ATXN7L1: variants seen among roughly 807,000 people sequenced by gnomAD.
ATXN7L1 encodes the protein ataxin 7 like 1.
Under a neutral mutation model 70.8 loss-of-function variants are expected in ATXN7L1, and 15 were observed. The ratio of observed to expected loss-of-function variants is 0.21; its 90% CI spans 0.14 to 0.33. The LOEUF (loss-of-function observed/expected upper bound fraction) is 0.33, where lower values mean the gene tolerates loss of function less well. ATXN7L1 is among the 10% of genes least tolerant of loss of function. ATXN7L1 has a pLI of 1.00. For missense variants in ATXN7L1, 975 were observed against 1,097.1 expected (o/e 0.89, Z 1.57); for synonymous variants, 440 against 445.1 (o/e 0.99, Z 0.14).
chr7:105,740,718 A>T (rs1328492087), intron 3 of ATXN7L1, among the ~76,000 whole-genome samples: 4 of 151,356 alleles, frequency 2.6e-5, no homozygotes, highest in Non-Finnish European at 5.9e-5. Flanking sequence ...TGAGGATTAG[A>T]GAGGAAGTTA....
chr7:105,640,822 A>C (rs2115912795), intron 5 of ATXN7L1, among the ~76,000 whole-genome samples: 1 of 152,382 alleles, frequency 6.6e-6, no homozygotes, highest in Middle Eastern at 3.4e-3. Flanking sequence ...CCGAGCAAAC[A>C]CATAAGTCCT....
intron 2 of ATXN7L1, among the ~76,000 whole-genome samples, chr7:105,810,816 A>G (rs1489273373): frequency 6.6e-6 from 1 of 152,180 alleles, no homozygotes; most frequent in East Asian, 1.9e-4. Flanking sequence ...AGTGACATGA[A>G]CTGATACTTG....
At chr7:105,703,165 G>T (rs765967959) in intron 3 of ATXN7L1, among the ~76,000 whole-genome samples, 1 of 152,000 alleles carries the variant, frequency 6.6e-6, no homozygotes, top group Non-Finnish European at 1.5e-5. Flanking sequence ...TTAGCTGGGC[G>T]TGGTGGCAGG....
At chr7:105,714,798 G>C (rs1276736679) in intron 3 of ATXN7L1, among the ~76,000 whole-genome samples, 1 of 152,192 alleles carries the variant, frequency 6.6e-6, no homozygotes, top group African/African-American at 2.4e-5. Flanking sequence ...GAGTAGCTGG[G>C]ATTACAGGTG....
chr7:105,687,899 C>T (rs940242650), intron 3 of ATXN7L1, among the ~76,000 whole-genome samples: 2 of 152,134 alleles, frequency 1.3e-5, no homozygotes, highest in Non-Finnish European at 2.9e-5. Context: ...GACACCATAC[C>T]CACTCACCCC....
intron 9 of ATXN7L1, among the ~76,000 whole-genome samples, chr7:105,619,575 A>G (rs1584334302): frequency 2.0e-5 from 2 of 98,620 alleles, no homozygotes; most frequent in Non-Finnish European, 3.6e-5. Context: ...TTTAAGAGAG[A>G]GGGTCTTGCT....
At chr7:105,681,085 A>C (rs773119579) in intron 3 of ATXN7L1, among the ~76,000 whole-genome samples, 1 of 152,232 alleles carries the variant, frequency 6.6e-6, no homozygotes, top group Non-Finnish European at 1.5e-5. Context: ...CAGCAAGTTT[A>C]GAACCGTAAC....
Position 105,747,169 on chromosome 7 carries a change from G to A in ATXN7L1, c.355+41435C>T, listed in dbSNP as rs73717269. ...GGTAAGTAGCTTCAGGATGGGGGCT[G>A]TTCACCAGAAAGACCAAGGCAGGAT... On this transcript the variant is annotated intron_variant, in intron 3 of 11. Coordinates refer to ENST00000419735, the MANE Select transcript of ATXN7L1 (RefSeq NM_020725.2). 7.7e-3 allele frequency among the ~76,000 whole-genome samples: 1,175 copies of A among 152,304 alleles called. 16 individuals are homozygous for A. The highest frequency in any genetic ancestry group is 0.026 in the African/African-American group (1,063 of 41,572).
At chr7:105,846,100 C>T (rs920610695) in intron 2 of ATXN7L1, among the ~76,000 whole-genome samples, 32 of 151,514 alleles carry the variant, frequency 2.1e-4, no homozygotes, top group African/African-American at 7.5e-4. Flanking sequence ...ATCAAGAAAG[C>T]AAAAAAGACA....
chr7:105,831,902 GCTT>G (rs1308960628), intron 2 of ATXN7L1, among the ~76,000 whole-genome samples: 1 of 152,158 alleles, frequency 6.6e-6, no homozygotes, highest in Non-Finnish European at 1.5e-5. Flanking sequence ...GGTATCCTTT[GCTT>G]CTTCTCTGCA....
At chr7:105,697,538 CAT>C (rs1791900565) in intron 3 of ATXN7L1, among the ~76,000 whole-genome samples, 1 of 152,224 alleles carries the variant, frequency 6.6e-6, no homozygotes, top group Non-Finnish European at 1.5e-5. Context: ...GCCCACATTT[CAT>C]ATTGCTCAAA....
intron 3 of ATXN7L1, among the ~76,000 whole-genome samples, chr7:105,710,401 C>CT (rs34003989): frequency 0.022 from 1,688 of 78,048 alleles, 43 homozygotes; most frequent in South Asian, 0.036. Context: ...GTGCCATGCA[C>CT]TTTTTTTTTT....
chr7:105,677,905 C>T (rs1804947676), intron 3 of ATXN7L1: 2 of 975,890 alleles, frequency 2.0e-6, no homozygotes, highest in South Asian at 4.7e-5. Flanking sequence ...GAAAAGTCTC[C>T]ACTCACTGCT....
chr7:105,739,178 C>T (rs1797734470), intron 3 of ATXN7L1, among the ~76,000 whole-genome samples: 1 of 152,160 alleles, frequency 6.6e-6, no homozygotes. Flanking sequence ...CTACAGAAAG[C>T]GTGGTCCCTG....
chr7:105,845,780 C>A (rs973178801), intron 2 of ATXN7L1, among the ~76,000 whole-genome samples: 1 of 151,994 alleles, frequency 6.6e-6, no homozygotes, highest in Non-Finnish European at 1.5e-5. Flanking sequence ...TCAAGAGTTC[C>A]AAGACAATTC....
At chr7:105,613,393 G>C (rs1793349503) in intron 10 of ATXN7L1, 1 of 798,614 alleles carries the variant, frequency 1.3e-6, no homozygotes, top group Non-Finnish European at 1.5e-6. Context: ...CCCACTCCCA[G>C]GTGGGACCCT....
chr7:105,656,082 G>C (rs1346386017), intron 4 of ATXN7L1, among the ~76,000 whole-genome samples: 3 of 152,214 alleles, frequency 2.0e-5, no homozygotes, highest in African/African-American at 7.2e-5. Context: ...CCTCCTCTCT[G>C]CCTCCTGCCC....
At chr7:105,634,393 G>A (rs1045188531) in intron 7 of ATXN7L1, among the ~76,000 whole-genome samples, 3 of 152,190 alleles carry the variant, frequency 2.0e-5, no homozygotes, top group Non-Finnish European at 4.4e-5. Flanking sequence ...GAAGGCAATT[G>A]ACCTTGATTC....
intron 2 of ATXN7L1, among the ~76,000 whole-genome samples, chr7:105,831,021 A>G (rs740306): frequency 0.3 from 45,151 of 152,164 alleles, 7,800 homozygotes; most frequent in East Asian, 0.72. Flanking sequence ...TTCTTCAACC[A>G]CAACAGTTCC....
Sources: gnomAD v4.1 joint callset for allele counts (sites outside exome capture counted in the v4.1 genomes callset) on GRCh38, gnomAD v4.1.1 for gene constraint, MANE v1.5 for transcripts, NCBI Gene and HGNC (gene_info 2026-07-23, HGNC 2026-07-21) for gene names.